FSTL5: variants seen among roughly 807,000 people sequenced by gnomAD.
The protein encoded by FSTL5 is follistatin-related protein 5.
FSTL5 carries 62 observed loss-of-function variants against 89.1 expected under a neutral mutation model. That is an observed-to-expected ratio of 0.70 (90% CI 0.57 to 0.86). FSTL5 has a LOEUF of 0.86. Ranked by LOEUF, FSTL5 falls within the 40% of genes least tolerant of loss-of-function variation. The probability of loss-of-function intolerance (pLI) is 0.00; values close to 1 mark genes in which losing one functional copy is unlikely to be tolerated. For synonymous variants in FSTL5, 383 were observed against 346.2 expected (o/e 1.11, Z -1.18); for missense variants, 1,057 against 1,001.6 (o/e 1.06, Z -0.75).
intron 3 of FSTL5, among the ~76,000 whole-genome samples, chr4:161,959,232 A>G (rs1228228098): frequency 6.6e-6 from 1 of 152,150 alleles, no homozygotes; most frequent in African/African-American, 2.4e-5. Flanking sequence ...AAAGGTGACA[A>G]GAACATTTAT....
At position 161,837,664 on chromosome 4, in the gene FSTL5, C is replaced by T. The variant is rs1244984716; in HGVS notation, c.410-61590G>A. 2.0e-5 allele frequency among the ~76,000 whole-genome samples: 3 copies of T among 151,766 alleles called. No individual in the cohort carries two copies. In the East Asian group the frequency reaches 5.8e-4, roughly 29 times the overall value. Reference sequence around the variant, plus strand: ...CTTCTATCATAGCCTGTTCATGATTCATAAAAAAGGAAATCCAATTATAGA... The same window carrying T: ...CTTCTATCATAGCCTGTTCATGATTTATAAAAAAGGAAATCCAATTATAGA... On this transcript the variant is annotated intron_variant, in intron 4 of 15. Transcript: ENST00000306100.
At chr4:161,842,114 G>C (rs912930864) in intron 4 of FSTL5, among the ~76,000 whole-genome samples, 2 of 152,190 alleles carry the variant, frequency 1.3e-5, no homozygotes, top group African/African-American at 2.4e-5. Context: ...ACTGAAATGT[G>C]ATGGTGATTA....
chr4:161,879,828 ACAC>A (rs1197483200), intron 4 of FSTL5, among the ~76,000 whole-genome samples: 1 of 152,168 alleles, frequency 6.6e-6, no homozygotes, highest in Non-Finnish European at 1.5e-5. Flanking sequence ...CCCCTTGCTT[ACAC>A]TTACCACTAT....
chr4:161,538,267 C>T lies in FSTL5; in HGVS notation c.1211G>A (p.Arg404His), dbSNP rs200491447. 1.1e-5 allele frequency: 18 copies of T among 1,613,920 alleles called. No homozygotes were observed. Among genetic ancestry groups the T allele is most frequent in the African/African-American group, 2.7e-5 (2 of 75,004 alleles). The change falls in exon 10 of 16, where the codon CGC becomes CAC. Residue 404 changes from arginine to histidine, a missense_variant. By Grantham distance (29) the Arg-to-His change is conservative. Around this residue, in one of 3 missense-constraint regions of FSTL5, gnomAD observed 980 missense variants for 903.2 expected, o/e 1.08. Transcript: ENST00000306100. ...AGTGTATGCTCCAGTATCTTCATAG[C>T]GCACATTGCTTATGTGAACCTCACT... is the stretch of plus-strand genomic sequence containing the variant. ...NGSEVHISNV[R>H]YEDTGAYTCI...
At chr4:161,907,842 T>TA (rs1733579789) in intron 4 of FSTL5, among the ~76,000 whole-genome samples, 2 of 152,110 alleles carry the variant, frequency 1.3e-5, no homozygotes, top group South Asian at 4.1e-4. Context: ...TTTTGAGTTC[T>TA]AACATCTATG....
chr4:161,966,778 T>C (rs191083969), intron 3 of FSTL5, among the ~76,000 whole-genome samples: 128 of 152,170 alleles, frequency 8.4e-4, no homozygotes, highest in Non-Finnish European at 1.6e-3. Flanking sequence ...CAAATTTCTG[T>C]TGTTTAAGTC....
Position 161,619,096 on chromosome 4 carries a change from T to C in FSTL5, c.895-31521A>G, listed in dbSNP as rs1578972209. Among the ~76,000 whole-genome samples, 4 of 152,140 alleles carry C rather than the reference T, an allele frequency of 2.6e-5. 1 individual carries two copies. The highest frequency in any genetic ancestry group is 2.1e-4 in the South Asian group (1 of 4,828). On this transcript the variant is annotated intron_variant, in intron 7 of 15. Transcript: ENST00000306100. ...GAAAAACAAGAAATGGGGAAAGGAT[T>C]CCCTATTTAATAAATGGTGCTGGGA... is the stretch of plus-strand genomic sequence containing the variant.
At chr4:162,135,924 A>G (rs1367926333) in intron 1 of FSTL5, among the ~76,000 whole-genome samples, 2 of 152,038 alleles carry the variant, frequency 1.3e-5, no homozygotes, top group African/African-American at 4.8e-5. Flanking sequence ...TTTTATGCTA[A>G]TGAGTTTCTG....
chr4:161,507,186 A>T (rs1428643463), intron 11 of FSTL5, among the ~76,000 whole-genome samples: 2 of 152,004 alleles, frequency 1.3e-5, no homozygotes, highest in Non-Finnish European at 2.9e-5. Context: ...TCCTTCAGTG[A>T]ATCAAATAAT....
chr4:161,397,374 G>A (rs1358045202), intron 15 of FSTL5, among the ~76,000 whole-genome samples: 2 of 151,616 alleles, frequency 1.3e-5, no homozygotes, highest in Non-Finnish European at 2.9e-5. Context: ...GGTTTTAGAA[G>A]CAAACATATC....
intron 3 of FSTL5, among the ~76,000 whole-genome samples, chr4:161,960,382 G>C (rs1002482478): frequency 1.3e-5 from 2 of 151,492 alleles, no homozygotes; most frequent in Admixed American, 6.6e-5. Context: ...CACCATGTTG[G>C]TCAGGCTGGT....
At chr4:161,623,120 T>A (rs1049380678) in intron 7 of FSTL5, among the ~76,000 whole-genome samples, 11 of 152,018 alleles carry the variant, frequency 7.2e-5, no homozygotes, top group African/African-American at 2.4e-4. Context: ...AAAATAAACA[T>A]CTTTTATCTG....
intron 3 of FSTL5, among the ~76,000 whole-genome samples, chr4:162,030,068 T>A (rs566622850): frequency 2.6e-5 from 4 of 152,100 alleles, no homozygotes; most frequent in East Asian, 1.9e-4. Context: ...CTGGCTAATT[T>A]TTTATTTATT....
chr4:161,415,217 C>T (rs1731729001), intron 15 of FSTL5, among the ~76,000 whole-genome samples: 1 of 152,074 alleles, frequency 6.6e-6, no homozygotes. Context: ...ATGCTGCCCA[C>T]CCCCAGCTTG....
At chr4:161,875,270 G>C (rs1462393458) in intron 4 of FSTL5, among the ~76,000 whole-genome samples, 1 of 152,120 alleles carries the variant, frequency 6.6e-6, no homozygotes, top group East Asian at 1.9e-4. Flanking sequence ...TACTCCCCTT[G>C]AGTTTTTATG....
chr4:162,155,271 T>TCAGAAG (rs1189754435), intron 1 of FSTL5, among the ~76,000 whole-genome samples: 1 of 152,046 alleles, frequency 6.6e-6, no homozygotes, highest in Non-Finnish European at 1.5e-5. Flanking sequence ...GGGTTAGAGG[T>TCAGAAG]CAGAAGCAGA....
intron 3 of FSTL5, among the ~76,000 whole-genome samples, chr4:161,927,755 A>G (rs1228157971): frequency 6.6e-6 from 1 of 151,838 alleles, no homozygotes; most frequent in Non-Finnish European, 1.5e-5. Context: ...TATATTAAGC[A>G]TTAAAATGCA....
At chr4:161,836,953 T>C (rs1227766265) in intron 4 of FSTL5, among the ~76,000 whole-genome samples, 2 of 152,084 alleles carry the variant, frequency 1.3e-5, no homozygotes, top group Non-Finnish European at 2.9e-5. Flanking sequence ...GAAATGGTAA[T>C]GAGTCGGGCC....
At chr4:161,759,346 A>G (rs1740696211) in intron 6 of FSTL5, 65 bp downstream of exon 6, 1 of 1,457,862 alleles carries the variant, frequency 6.9e-7, no homozygotes, top group East Asian at 2.5e-5. Flanking sequence ...AAGCAAATAG[A>G]CCATATTGTG....
Sources: allele counts gnomAD v4.1 joint callset (sites outside exome capture counted in the v4.1 genomes callset), GRCh38; gene constraint gnomAD v4.1.1; regional missense constraint gnomAD v4.1.1; transcripts MANE v1.5; gene names NCBI Gene and HGNC (gene_info 2026-07-23, HGNC 2026-07-21).